Variants in NLGN1 observed in about 807,000 individuals in gnomAD.
NLGN1 encodes the protein neuroligin 1.
A neutral mutation model predicts 65.5 loss-of-function variants in NLGN1; 12 were observed. The observed-to-expected ratio is 0.18, with a 90% confidence interval of 0.12 to 0.30. NLGN1 has a LOEUF of 0.30. NLGN1 is among the 10% of genes least tolerant of loss of function. NLGN1 has a pLI of 1.00. For missense variants in NLGN1, 750 were observed against 1,007.1 expected (o/e 0.74, Z 3.46); for synonymous variants, 350 against 359.5 (o/e 0.97, Z 0.30).
chr3:173,708,154 G>T (rs975965674), intron 3 of NLGN1, among the ~76,000 whole-genome samples: 4 of 152,176 alleles, frequency 2.6e-5, no homozygotes, highest in South Asian at 4.1e-4. Context: ...GTTTTGTGGG[G>T]CATGGGCCAA....
intron 4 of NLGN1, among the ~76,000 whole-genome samples, chr3:174,042,513 A>T (rs759373403): frequency 6.6e-6 from 1 of 152,166 alleles, no homozygotes; most frequent in African/African-American, 2.4e-5. Context: ...AGACTTTTAC[A>T]TAAGTTGTCC....
intron 4 of NLGN1, among the ~76,000 whole-genome samples, chr3:173,969,262 T>C (rs983343695): frequency 9.2e-5 from 14 of 152,280 alleles, no homozygotes; most frequent in African/African-American, 3.4e-4. Context: ...CCACATGATA[T>C]GATTTTACTT....
intron 2 of NLGN1, among the ~76,000 whole-genome samples, chr3:173,523,777 TA>T (rs1277907123): frequency 6.6e-6 from 1 of 151,714 alleles, no homozygotes; most frequent in Non-Finnish European, 1.5e-5. Flanking sequence ...GATTGCTTTT[TA>T]TAATTCTGTG....
At chr3:173,994,465 C>CAAAAA (rs1170577220) in intron 4 of NLGN1, among the ~76,000 whole-genome samples, 77 of 32,904 alleles carry the variant, frequency 2.3e-3, no homozygotes, top group Non-Finnish European at 3.0e-3. Flanking sequence ...TTGAGAAAAG[C>CAAAAA]AAAAAAAAAA....
In NLGN1 at chr3:173,515,033, C is replaced by T. The variant is rs532338477; in HGVS notation, c.-321+79955C>T. ...TGGATAAATACCCAGAATGGGATTG[C>T]TGAATTATATGGTAGTTCTGTTTTT... On this transcript the variant is annotated intron_variant, in intron 2 of 6. Transcript: ENST00000457714. Among the ~76,000 whole-genome samples, 10 of 152,254 alleles carry T rather than the reference C, an allele frequency of 6.6e-5. No homozygotes were observed. The South Asian group carries it at 2.1e-3, about 32-fold the overall frequency.
intron 4 of NLGN1, among the ~76,000 whole-genome samples, chr3:174,152,401 AAAAC>A (rs1379677713): frequency 6.6e-6 from 1 of 152,116 alleles, no homozygotes; most frequent in Non-Finnish European, 1.5e-5. Context: ...AAAATACAAA[AAAAC>A]AAACACCGCA....
intron 3 of NLGN1, among the ~76,000 whole-genome samples, chr3:173,718,909 T>C (rs1250308686): frequency 1.3e-5 from 2 of 152,224 alleles, no homozygotes; most frequent in Non-Finnish European, 2.9e-5. Flanking sequence ...AAAAATTTTC[T>C]TGAATCACTA....
At chr3:173,864,330 T>C (rs1729706551) in intron 4 of NLGN1, among the ~76,000 whole-genome samples, 1 of 152,220 alleles carries the variant, frequency 6.6e-6, no homozygotes, top group South Asian at 2.1e-4. Context: ...TATCATTTAC[T>C]GTCACTTTTT....
chr3:173,915,413 C>A (rs553890604), intron 4 of NLGN1, among the ~76,000 whole-genome samples: 1 of 152,196 alleles, frequency 6.6e-6, no homozygotes, highest in Non-Finnish European at 1.5e-5. Flanking sequence ...ATTGTTTACT[C>A]TTGACAGATC....
intron 4 of NLGN1, among the ~76,000 whole-genome samples, chr3:173,942,452 T>C (rs776733479): frequency 1.3e-5 from 2 of 152,116 alleles, no homozygotes; most frequent in African/African-American, 2.4e-5. Context: ...ACGAGGTACC[T>C]CAGCCTAGTT....
chr3:173,886,318 C>A (rs1183364676), intron 4 of NLGN1, among the ~76,000 whole-genome samples: 1 of 151,952 alleles, frequency 6.6e-6, no homozygotes, highest in South Asian at 2.1e-4. Context: ...ATTTTTTTCT[C>A]ATTTTTCTAG....
chr3:173,630,649 G>C lies in NLGN1; in HGVS notation c.493+25558G>C, dbSNP rs192578202. ...TTCAAAATTTCTTCTCTTCCACAGA[G>C]AGAAACTCAATCCTTTGTGAGGCCT... On this transcript the variant is annotated intron_variant, in intron 3 of 6. Coordinates refer to ENST00000457714, the Ensembl canonical transcript of NLGN1. Among the ~76,000 whole-genome samples, 21 of 151,774 alleles carry C rather than the reference G, an allele frequency of 1.4e-4. No homozygotes were observed. In the East Asian group the frequency reaches 3.1e-3, roughly 23 times the overall value.
At chr3:174,275,743 A>G (rs1750425207) in intron 5 of NLGN1, among the ~76,000 whole-genome samples, 1 of 151,890 alleles carries the variant, frequency 6.6e-6, no homozygotes. Flanking sequence ...TGCCCTTTCA[A>G]GCACACTTCA....
intron 4 of NLGN1, among the ~76,000 whole-genome samples, chr3:174,184,861 G>A (rs1731105287): frequency 1.3e-5 from 2 of 152,090 alleles, no homozygotes; most frequent in African/African-American, 4.8e-5. Context: ...AGTTGGGGAT[G>A]GAAAGATTAA....
chr3:173,817,129 T>C (rs1156722066), intron 4 of NLGN1, among the ~76,000 whole-genome samples: 1 of 152,188 alleles, frequency 6.6e-6, no homozygotes, highest in Non-Finnish European at 1.5e-5. Context: ...AAGGCAGAGC[T>C]GTGGGCAGAA....
chr3:173,603,707 AG>A (rs1348299224), intron 2 of NLGN1, among the ~76,000 whole-genome samples: 1 of 152,104 alleles, frequency 6.6e-6, no homozygotes, highest in Non-Finnish European at 1.5e-5. Context: ...AGATACAGCA[AG>A]GAAGTGAGGT....
chr3:173,961,760 T>C (rs1713625272), intron 4 of NLGN1, among the ~76,000 whole-genome samples: 2 of 152,106 alleles, frequency 1.3e-5, no homozygotes, highest in Admixed American at 1.3e-4. Context: ...CTAATGATTC[T>C]TCCTCTTTTT....
intron 4 of NLGN1, among the ~76,000 whole-genome samples, chr3:173,877,251 AG>A (rs1732309133): frequency 6.6e-6 from 1 of 152,188 alleles, no homozygotes; most frequent in Non-Finnish European, 1.5e-5. Context: ...AAAAGGGCAC[AG>A]GACCTCTCTG....
chr3:173,480,883 G>A (rs1164073723), intron 2 of NLGN1, among the ~76,000 whole-genome samples: 1 of 152,074 alleles, frequency 6.6e-6, no homozygotes, highest in Non-Finnish European at 1.5e-5. Flanking sequence ...AATTGGGTAT[G>A]AATAATAAGT....
Sources: gnomAD v4.1 joint callset for allele counts (sites outside exome capture counted in the v4.1 genomes callset) on GRCh38, gnomAD v4.1.1 for gene constraint, MANE v1.5 for transcripts, NCBI Gene and HGNC (gene_info 2026-07-23, HGNC 2026-07-21) for gene names.